DOCK3: variants seen among roughly 807,000 people sequenced by gnomAD.
DOCK3 encodes dedicator of cytokinesis 3.
DOCK3 carries 60 observed loss-of-function variants against 265.6 expected under a neutral mutation model. The observed-to-expected ratio is 0.23, with a 90% CI of 0.18 to 0.28. DOCK3 has a LOEUF of 0.28. Ranked by LOEUF, DOCK3 falls within the 10% of genes least tolerant of loss-of-function variation. DOCK3 has a pLI of 1.00. For synonymous variants in DOCK3, 881 were observed against 938.0 expected (o/e 0.94, Z 1.11); for missense variants, 1,981 against 2,594.3 (o/e 0.76, Z 5.14).
At position 51,229,573 on chromosome 3, in the gene DOCK3, G is replaced by T. The variant is rs766818393; in HGVS notation, c.1881G>T (p.Gly627=). The T allele has an allele frequency of 6.2e-7, 1 of 1,607,710 alleles. No homozygotes were observed. The highest frequency in any genetic ancestry group is 8.5e-7 in the Non-Finnish European group (1 of 1,176,872). ...CCGACCGGATCATGGATGTACTAGG[G>T]CGGCTGCGGCATGTCAGTGGGGAGG... The part of the protein sequence containing the change: ...AFPDRIMDVL[G]RLRHVSGEEI... The change falls in exon 19 of 53, where the codon GGG becomes GGT. Residue 627 remains glycine (G), a synonymous_variant. Coordinates refer to ENST00000266037, the MANE Select transcript of DOCK3 (RefSeq NM_004947.5).
At chr3:50,754,712 A>G (rs2040050528) in intron 1 of DOCK3, among the ~76,000 whole-genome samples, 1 of 151,916 alleles carries the variant, frequency 6.6e-6, no homozygotes, top group African/African-American at 2.4e-5. Flanking sequence ...GGTGTGCGCT[A>G]CCACGCCTGG....
At chr3:51,221,083 G>A (rs1231825981) in intron 14 of DOCK3, among the ~76,000 whole-genome samples, 1 of 151,998 alleles carries the variant, frequency 6.6e-6, no homozygotes, top group Non-Finnish European at 1.5e-5. Flanking sequence ...GTCTTCAGAG[G>A]GTCAGACCTG....
intron 13 of DOCK3, among the ~76,000 whole-genome samples, chr3:51,210,562 C>T (rs552910904): frequency 1.1e-4 from 17 of 152,164 alleles, no homozygotes; most frequent in Non-Finnish European, 2.1e-4. Context: ...ACCCAGGTCT[C>T]CAGACTCCAG....
intron 7 of DOCK3, among the ~76,000 whole-genome samples, chr3:51,086,028 G>A (rs1464791164): frequency 6.6e-6 from 1 of 152,206 alleles, no homozygotes; most frequent in Non-Finnish European, 1.5e-5. Context: ...GAGGTGTGGA[G>A]TGGGAAATCA....
intron 12 of DOCK3, among the ~76,000 whole-genome samples, chr3:51,195,099 A>G (rs1274039838): frequency 6.6e-6 from 1 of 152,194 alleles, no homozygotes; most frequent in Non-Finnish European, 1.5e-5. Flanking sequence ...TGCTGGGATT[A>G]CAGGCATGAG....
chr3:51,199,921 C>T (rs1371099906), intron 12 of DOCK3, among the ~76,000 whole-genome samples: 5 of 152,206 alleles, frequency 3.3e-5, no homozygotes, highest in Non-Finnish European at 5.9e-5. Flanking sequence ...CCCAGGCAAA[C>T]AGGGTCTGGA....
At chr3:51,245,823 T>C (rs571501889) in intron 21 of DOCK3, among the ~76,000 whole-genome samples, 1 of 152,350 alleles carries the variant, frequency 6.6e-6, no homozygotes, top group East Asian at 1.9e-4. Flanking sequence ...CTGTTCTATG[T>C]GCTTTATATG....
At chr3:50,679,961 G>A (rs1370396040) in intron 1 of DOCK3, among the ~76,000 whole-genome samples, 1 of 152,168 alleles carries the variant, frequency 6.6e-6, no homozygotes, top group Admixed American at 6.5e-5. Flanking sequence ...TGAGAAAGAA[G>A]CTTTAGCTGA....
intron 5 of DOCK3, among the ~76,000 whole-genome samples, chr3:50,971,374 G>A (rs1223586734): frequency 6.6e-6 from 1 of 151,994 alleles, no homozygotes; most frequent in Non-Finnish European, 1.5e-5. Flanking sequence ...TGACTATAAT[G>A]TATGTTGTAT....
At chr3:51,039,851 G>A (rs898276553) in intron 5 of DOCK3, among the ~76,000 whole-genome samples, 1 of 146,034 alleles carries the variant, frequency 6.8e-6, no homozygotes, top group Non-Finnish European at 1.5e-5. Context: ...AATCACCCTC[G>A]GGTTTCTGCA....
chr3:51,171,769 T>G (rs549975625), intron 12 of DOCK3, among the ~76,000 whole-genome samples: 1 of 152,234 alleles, frequency 6.6e-6, no homozygotes, highest in African/African-American at 2.4e-5. Flanking sequence ...TGTATTGCTG[T>G]ATCCCGGAAA....
intron 22 of DOCK3, among the ~76,000 whole-genome samples, chr3:51,247,784 G>C (rs1396988338): frequency 1.3e-5 from 2 of 152,180 alleles, no homozygotes; most frequent in Admixed American, 1.3e-4. Flanking sequence ...CCATCTTCTT[G>C]AAGAACATAT....
At chr3:51,210,137 T>G (rs927785662) in intron 13 of DOCK3, among the ~76,000 whole-genome samples, 29 of 152,194 alleles carry the variant, frequency 1.9e-4, no homozygotes, top group African/African-American at 6.3e-4. Context: ...GATTAAAACA[T>G]ATAGAGAATA....
chr3:50,968,805 CT>C (rs1453295172), intron 5 of DOCK3, among the ~76,000 whole-genome samples: 2 of 152,202 alleles, frequency 1.3e-5, no homozygotes, highest in Non-Finnish European at 2.9e-5. Flanking sequence ...GTGCCTCGGC[CT>C]CCCAAAGTCC....
At chr3:51,174,599 T>C (rs2086849207) in intron 12 of DOCK3, among the ~76,000 whole-genome samples, 1 of 152,212 alleles carries the variant, frequency 6.6e-6, no homozygotes, top group African/African-American at 2.4e-5. Flanking sequence ...TATTTTGAAC[T>C]CTTCATTAAG....
At chr3:50,824,724 C>T (rs1040904149) in intron 2 of DOCK3, among the ~76,000 whole-genome samples, 1 of 152,068 alleles carries the variant, frequency 6.6e-6, no homozygotes, top group South Asian at 2.1e-4. Flanking sequence ...TTTCTGATGC[C>T]TTAAGTTATC....
At chr3:50,936,373 C>CA (rs200728402) in intron 5 of DOCK3, among the ~76,000 whole-genome samples, 4,276 of 141,568 alleles carry the variant, frequency 0.03, 88 homozygotes, top group Middle Eastern at 0.11. Flanking sequence ...GATGTGGAGC[C>CA]AAAAAAAAAT....
chr3:50,938,254 A>G (rs2051501119), intron 5 of DOCK3, among the ~76,000 whole-genome samples: 1 of 152,166 alleles, frequency 6.6e-6, no homozygotes, highest in South Asian at 2.1e-4. Flanking sequence ...TTAATCTAAC[A>G]GAGGTGCAAA....
chr3:51,124,650 TAGAG>T (rs2084184014), intron 9 of DOCK3, among the ~76,000 whole-genome samples: 1 of 152,186 alleles, frequency 6.6e-6, no homozygotes, highest in Non-Finnish European at 1.5e-5. Context: ...ATGTATGATT[TAGAG>T]AGATGTAGCT....
Sources: allele counts gnomAD v4.1 joint callset (sites outside exome capture counted in the v4.1 genomes callset), GRCh38; gene constraint gnomAD v4.1.1; transcripts MANE v1.5; gene names NCBI Gene and HGNC (gene_info 2026-07-23, HGNC 2026-07-21).